NRG3: variants seen among roughly 807,000 people sequenced by gnomAD.
NRG3 encodes pro-neuregulin-3, membrane-bound isoform.
Under a neutral mutation model 66.9 loss-of-function variants are expected in NRG3, and 31 were observed. The observed-to-expected ratio is 0.46, with a 90% CI of 0.35 to 0.63. The LOEUF is 0.63. NRG3 is among the 20% of genes least tolerant of loss of function. NRG3 has a pLI of 0.00. For synonymous variants in NRG3, 393 were observed against 359.4 expected (o/e 1.09, Z -1.06); for missense variants, 910 against 878.9 (o/e 1.04, Z -0.45).
At chr10:82,546,159 G>A (rs2043901767) in intron 2 of NRG3, among the ~76,000 whole-genome samples, 1 of 152,112 alleles carries the variant, frequency 6.6e-6, no homozygotes, top group Admixed American at 6.5e-5. Context: ...GTCCTCTTTT[G>A]AAAGTGCATA....
chr10:82,017,058 A>G (rs1238630415), intron 1 of NRG3, among the ~76,000 whole-genome samples: 4 of 152,156 alleles, frequency 2.6e-5, no homozygotes, highest in Admixed American at 1.3e-4. Flanking sequence ...TACATTAGGT[A>G]TATCTCCTAA....
intron 2 of NRG3, among the ~76,000 whole-genome samples, chr10:82,675,856 T>C (rs2053644719): frequency 6.6e-6 from 1 of 152,348 alleles, no homozygotes; most frequent in East Asian, 1.9e-4. Flanking sequence ...ATCTGGGATG[T>C]ACCTTACTTC....
At chr10:82,761,882 T>G (rs1375499700) in intron 3 of NRG3, among the ~76,000 whole-genome samples, 2 of 151,412 alleles carry the variant, frequency 1.3e-5, no homozygotes, top group African/African-American at 2.4e-5. Flanking sequence ...TTTTCTTCTT[T>G]CTTCCTTTCT....
chr10:82,444,404 A>C (rs1446974572), intron 2 of NRG3, among the ~76,000 whole-genome samples: 3 of 152,140 alleles, frequency 2.0e-5, no homozygotes, highest in Non-Finnish European at 4.4e-5. Flanking sequence ...CCCCCAGCCC[A>C]AAAAATTATT....
chr10:82,278,911 A>G (rs2078990706), intron 1 of NRG3, among the ~76,000 whole-genome samples: 1 of 152,264 alleles, frequency 6.6e-6, no homozygotes, highest in Admixed American at 6.5e-5. Flanking sequence ...TTCCAGGCTT[A>G]TCGCCCAGGT....
intron 1 of NRG3, among the ~76,000 whole-genome samples, chr10:81,926,351 C>T (rs1267791380): frequency 6.6e-6 from 1 of 151,914 alleles, no homozygotes; most frequent in South Asian, 2.1e-4. Flanking sequence ...GAACTCCTGA[C>T]GTCAAGTAAT....
At position 82,907,567 on chromosome 10, in the gene NRG3, G is replaced by T. The variant is rs187005322; in HGVS notation, c.1054+42130G>T. Among the ~76,000 whole-genome samples the T allele has an allele frequency of 3.3e-3, 495 of 152,186 alleles. 2 individuals carry two copies. Among genetic ancestry groups the T allele is most frequent in the African/African-American group, 7.5e-3 (313 of 41,538 alleles). ...TAATTTATCATCAATTATTTAAATG[G>T]ACTGTTTCTTAAACCAGTCTGTGTT... On this transcript the variant is annotated intron_variant, in intron 4 of 8. Coordinates refer to ENST00000372141, the MANE Select transcript of NRG3 (RefSeq NM_001010848.4).
chr10:82,189,428 A>G (rs1337921920), intron 1 of NRG3, among the ~76,000 whole-genome samples: 1 of 151,696 alleles, frequency 6.6e-6, no homozygotes, highest in Non-Finnish European at 1.5e-5. Flanking sequence ...AGGCCAAGGC[A>G]GGCAGATCGC....
chr10:82,820,867 A>T (rs2065536), intron 3 of NRG3, among the ~76,000 whole-genome samples: 49,434 of 151,942 alleles, frequency 0.33, 8,088 homozygotes, highest in Middle Eastern at 0.38. Context: ...CTCATTAGAG[A>T]ATAGGTAAAT....
intron 1 of NRG3, among the ~76,000 whole-genome samples, chr10:82,332,240 T>C (rs961330108): frequency 4.6e-5 from 7 of 152,168 alleles, no homozygotes; most frequent in Non-Finnish European, 1.0e-4. Flanking sequence ...CAGTTCAAAA[T>C]TTTGACTAAG....
intron 3 of NRG3, among the ~76,000 whole-genome samples, chr10:82,760,952 A>G (rs1458541933): frequency 6.6e-6 from 1 of 151,916 alleles, no homozygotes; most frequent in Admixed American, 6.6e-5. Flanking sequence ...AATGTTATAT[A>G]ACGTAGACTC....
At chr10:82,631,979 G>A (rs562400597) in intron 2 of NRG3, among the ~76,000 whole-genome samples, 1 of 152,126 alleles carries the variant, frequency 6.6e-6, no homozygotes, top group South Asian at 2.1e-4. Context: ...CCAGGTGCCT[G>A]TAATCTCAGC....
At chr10:82,539,706 T>G (rs752485605) in intron 2 of NRG3, among the ~76,000 whole-genome samples, 1 of 152,078 alleles carries the variant, frequency 6.6e-6, no homozygotes, top group Non-Finnish European at 1.5e-5. Flanking sequence ...GGATCTCGTC[T>G]CATTGCAACC....
chr10:82,954,672 C>T (rs1849858178), intron 5 of NRG3, among the ~76,000 whole-genome samples: 1 of 151,776 alleles, frequency 6.6e-6, no homozygotes, highest in Admixed American at 6.6e-5. Flanking sequence ...GCATTTCCTT[C>T]TTCTAGTACC....
intron 1 of NRG3, among the ~76,000 whole-genome samples, chr10:82,052,219 G>A (rs757780281): frequency 1.3e-5 from 2 of 152,032 alleles, no homozygotes; most frequent in African/African-American, 2.4e-5. Context: ...TGATCTACCT[G>A]TCTCACCAAA....
At chr10:82,205,390 G>C (rs1209128657) in intron 1 of NRG3, among the ~76,000 whole-genome samples, 1 of 152,142 alleles carries the variant, frequency 6.6e-6, no homozygotes, top group East Asian at 1.9e-4. Flanking sequence ...AAAGAGAAAT[G>C]TTGGAGAGAT....
At chr10:82,026,881 C>A (rs117651878) in intron 1 of NRG3, among the ~76,000 whole-genome samples, 2,800 of 151,948 alleles carry the variant, frequency 0.018, 34 homozygotes, top group Non-Finnish European at 0.026. Flanking sequence ...TGTTCCCAAG[C>A]AGAAAGGTGA....
chr10:82,272,928 G>C (rs187219329), intron 1 of NRG3, among the ~76,000 whole-genome samples: 1 of 151,946 alleles, frequency 6.6e-6, no homozygotes, highest in Non-Finnish European at 1.5e-5. Context: ...TTATTAATTC[G>C]TTCCAGTTCT....
At chr10:82,281,368 C>T (rs2079112735) in intron 1 of NRG3, among the ~76,000 whole-genome samples, 2 of 152,056 alleles carry the variant, frequency 1.3e-5, no homozygotes, top group Admixed American at 6.6e-5. Flanking sequence ...ACTAGAACAA[C>T]AGGATATCCT....
Sources: allele counts gnomAD v4.1 joint callset (sites outside exome capture counted in the v4.1 genomes callset), GRCh38; gene constraint gnomAD v4.1.1; transcripts MANE v1.5; gene names NCBI Gene and HGNC (gene_info 2026-07-23, HGNC 2026-07-21).